The following RPGRIP1 variants were observed in gnomAD, a reference collection of about 807,000 sequenced individuals.
RPGRIP1 encodes the protein X-linked retinitis pigmentosa GTPase regulator-interacting protein 1.
In RPGRIP1, 128 loss-of-function variants were observed where a neutral mutation model predicts 157.9. That is an observed-to-expected ratio of 0.81 (90% CI 0.70 to 0.94). The LOEUF (loss-of-function observed/expected upper bound fraction) is 0.94, where lower values mean the gene tolerates loss of function less well. RPGRIP1 is among the 40% of genes least tolerant of loss of function. The pLI, the probability that RPGRIP1 is intolerant of heterozygous loss-of-function variation, is 0.00. For missense variants in RPGRIP1, 1,486 were observed against 1,545.8 expected, an observed-to-expected ratio of 0.96 and a Z score of 0.65; for synonymous variants, 554 against 571.6, an observed-to-expected ratio of 0.97 and a Z score of 0.44.
chr14:21,304,185 G>A (rs1384469191), intron 6 of RPGRIP1, among the ~76,000 whole-genome samples: 5 of 150,628 alleles, frequency 3.3e-5, no homozygotes, highest in African/African-American at 4.9e-5. Flanking sequence ...TATGGTGGCC[G>A]GTGCCTGTAA....
intron 6 of RPGRIP1, among the ~76,000 whole-genome samples, chr14:21,305,796 G>T (rs1267883104): frequency 2.0e-5 from 3 of 152,120 alleles, no homozygotes; most frequent in South Asian, 2.1e-4. Flanking sequence ...GAGAGGCAGG[G>T]GTTGCACTGG....
chr14:21,312,057 A>G, intron 9 of RPGRIP1, 87 bp downstream of exon 9: 1 of 1,244,558 alleles, frequency 8.0e-7, no homozygotes, highest in Non-Finnish European at 1.1e-6. Context: ...TGAGTATTGC[A>G]TTTTTTCAAA....
In RPGRIP1 at chr14:21,324,984, A is replaced by G. The variant is rs1045661664; in HGVS notation, c.2129A>G (p.Glu710Gly). 6.2e-7 allele frequency: 1 copy of G among 1,614,034 alleles called. No homozygotes were observed. The highest frequency in any genetic ancestry group is 8.5e-7 in the Non-Finnish European group (1 of 1,179,900). The change falls in exon 15 of 25, where the codon GAA (glutamate) becomes GGA (glycine). Residue 710 changes from glutamate to glycine, a missense_variant. Physicochemically the swap from Glu to Gly is moderately conservative, Grantham distance 98 (BLOSUM62 -2). Coordinates refer to ENST00000400017, the MANE Select transcript of RPGRIP1 (RefSeq NM_020366.4). ...RLDIHQAMAS[E>G]HSTLAAGWIC... ...GACATACACCAGGCCATGGCCAGTG[A>G]ACACAGCACTCTTGCTGCAGGATGG...
intron 3 of RPGRIP1, among the ~76,000 whole-genome samples, chr14:21,300,561 A>G (rs985534884): frequency 4.6e-5 from 7 of 152,074 alleles, no homozygotes; most frequent in African/African-American, 1.7e-4. Flanking sequence ...GGGATAGAAA[A>G]AGCAAATATT....
At chr14:21,320,298 C>CTT in intron 12 of RPGRIP1, 121 bp downstream of exon 12, 115 of 748,850 alleles carry the variant, frequency 1.5e-4, no homozygotes, top group Middle Eastern at 3.0e-4. Flanking sequence ...TGAGGACACT[C>CTT]TTTTTTTTTT....
At chr14:21,330,483 A>G (rs1380711785) in intron 20 of RPGRIP1, 96 bp downstream of exon 20, 8 of 856,244 alleles carry the variant, frequency 9.3e-6, no homozygotes, top group African/African-American at 7.2e-5. Flanking sequence ...CCTGGCCAAC[A>G]TGATGAAACC....
intron 2 of RPGRIP1, among the ~76,000 whole-genome samples, chr14:21,293,835 C>T (rs577661389): frequency 1.3e-5 from 2 of 151,522 alleles, no homozygotes; most frequent in South Asian, 2.1e-4. Context: ...GCCGAGATGG[C>T]GCCACTGCAC....
At chr14:21,325,624 C>A in intron 16 of RPGRIP1, 1 of 632,090 alleles carries the variant, frequency 1.6e-6, no homozygotes, top group Non-Finnish European at 2.7e-6. Flanking sequence ...CTGTGCCATT[C>A]TCTAAGTTAA....
intron 3 of RPGRIP1, among the ~76,000 whole-genome samples, chr14:21,297,870 T>TTTCTTTCTTTCTTTCTTTCTTTCC (rs1411786427): frequency 6.6e-6 from 1 of 151,290 alleles, no homozygotes; most frequent in Admixed American, 6.6e-5. Context: ...TCTTTCTTTC[T>TTTCTTTCTTTCTTTCTTTCTTTCC]TTCTTTCTTT....
At chr14:21,343,915 A>C (rs1594269545) in intron 22 of RPGRIP1, among the ~76,000 whole-genome samples, 2 of 56,354 alleles carry the variant, frequency 3.5e-5, no homozygotes, top group Admixed American at 5.9e-4. Context: ...TTTGAGATGG[A>C]GTCTGAACAT....
intron 19 of RPGRIP1, among the ~76,000 whole-genome samples, chr14:21,329,331 A>G (rs1228729477): frequency 6.6e-6 from 1 of 151,950 alleles, no homozygotes; most frequent in Non-Finnish European, 1.5e-5. Flanking sequence ...AAAAATAAAA[A>G]TAAGATAAGC....
Position 21,303,370 on chromosome 14 carries a change from C to A in RPGRIP1, c.627C>A (p.Val209=). 2 of 1,613,716 alleles carry A rather than the reference C, an allele frequency of 1.2e-6. No individual in the cohort carries two copies. The highest frequency in any genetic ancestry group is 1.1e-5 in the South Asian group (1 of 91,046). ...ACAGCATAATTTCTTTCAGCAGTGT[C>A]ATAAGTATGGCTAAACCCATTGGTC... ...GSNSIISFSS[V]ISMAKPIGLC... Residue 209 remains valine (V), a synonymous_variant, in exon 6 of 25, where the codon GTC becomes GTA. Coordinates refer to ENST00000400017, the MANE Select transcript of RPGRIP1 (RefSeq NM_020366.4).
At chr14:21,327,330 G>A (rs571083972) in intron 17 of RPGRIP1, among the ~76,000 whole-genome samples, 1 of 152,258 alleles carries the variant, frequency 6.6e-6, no homozygotes, top group Non-Finnish European at 1.5e-5. Flanking sequence ...ATGCAGCCTT[G>A]TTCATTGGCT....
Position 21,334,657 on chromosome 14 carries a change from C to A in RPGRIP1, c.3291C>A (p.Asp1097Glu). 1 of 1,609,408 alleles carries A rather than the reference C, an allele frequency of 6.2e-7. No individual in the cohort carries two copies. Among genetic ancestry groups the A allele is most frequent in the Non-Finnish European group, 8.5e-7 (1 of 1,178,410 alleles). Residue 1097 changes from aspartate to glutamate, a missense_variant, in exon 21 of 25, where the codon GAC becomes GAA. Asp to Glu is a conservative substitution (Grantham distance 45, BLOSUM62 2). Coordinates refer to ENST00000400017, the MANE Select transcript of RPGRIP1 (RefSeq NM_020366.4). The stretch of plus-strand genomic sequence containing the variant: ...AAGTCAGTGAAGCACAAACTACCGA[C>A]AGTGATGATGTCATAGTGCCACCCA... ...GSEVSEAQTT[D>E]SDDVIVPPMS...
chr14:21,290,635 G>A (rs1880485968), intron 2 of RPGRIP1, among the ~76,000 whole-genome samples: 1 of 152,018 alleles, frequency 6.6e-6, no homozygotes, highest in Non-Finnish European at 1.5e-5. Flanking sequence ...CTAACACAGT[G>A]AAACCTCGTC....
intron 6 of RPGRIP1, among the ~76,000 whole-genome samples, chr14:21,305,515 T>G (rs1347771921): frequency 6.6e-6 from 1 of 152,226 alleles, no homozygotes; most frequent in African/African-American, 2.4e-5. Context: ...CTATTAACAT[T>G]ATGTGTCGTT....
At chr14:21,335,541 GA>G (rs1884259947) in intron 21 of RPGRIP1, among the ~76,000 whole-genome samples, 2 of 151,704 alleles carry the variant, frequency 1.3e-5, no homozygotes, top group African/African-American at 4.8e-5. Context: ...ATATAAAAAA[GA>G]AAAAAAAGCC....
chr14:21,300,440 T>G (rs1880974689), intron 3 of RPGRIP1, among the ~76,000 whole-genome samples: 1 of 151,942 alleles, frequency 6.6e-6, no homozygotes, highest in Admixed American at 6.6e-5. Flanking sequence ...AATCAGATAG[T>G]AGCAAAAAAA....
chr14:21,329,811 T>C (rs925999136), intron 19 of RPGRIP1, among the ~76,000 whole-genome samples: 1 of 150,904 alleles, frequency 6.6e-6, no homozygotes, highest in South Asian at 2.1e-4. Context: ...GTACTAACTT[T>C]TAAAAATTAA....
Sources: allele counts gnomAD v4.1 joint callset (sites outside exome capture counted in the v4.1 genomes callset), GRCh38; gene constraint gnomAD v4.1.1; transcripts MANE v1.5; gene names NCBI Gene and HGNC (gene_info 2026-07-23, HGNC 2026-07-21).